Variants in RASA1 observed in about 807,000 individuals in gnomAD.
RASA1 encodes RAS p21 protein activator 1, also known as ras GTPase-activating protein 1.
Under a neutral mutation model 132.2 loss-of-function variants are expected in RASA1, and 25 were observed. That is an observed-to-expected ratio of 0.19 (90% CI 0.14 to 0.26). The LOEUF is 0.26. Ranked by LOEUF, RASA1 falls within the 10% of genes least tolerant of loss-of-function variation. RASA1 has a pLI of 1.00. For missense variants in RASA1, 964 were observed against 1,299.2 expected (o/e 0.74, Z 3.97); for synonymous variants, 477 against 449.9 (o/e 1.06, Z -0.76).
intron 8 of RASA1, among the ~76,000 whole-genome samples, chr5:87,352,093 CAT>C (rs1451294978): frequency 2.0e-5 from 3 of 151,540 alleles, no homozygotes; most frequent in Admixed American, 6.6e-5. Flanking sequence ...TTATTAAAAA[CAT>C]AAAATCTTGC....
chr5:87,287,272 T>TATATATACACACCATATATATACACC (rs1464620726), intron 1 of RASA1, among the ~76,000 whole-genome samples: 6 of 144,806 alleles, frequency 4.1e-5, no homozygotes, highest in Admixed American at 2.1e-4. Context: ...ATATACACCG[T>TATATATACACACCATATATATACACC]ATATATACAC....
At chr5:87,350,091 C>T (rs188877567) in intron 8 of RASA1, among the ~76,000 whole-genome samples, 6 of 151,908 alleles carry the variant, frequency 3.9e-5, no homozygotes, top group Admixed American at 3.3e-4. Flanking sequence ...GCAGTATTCT[C>T]TATCTGAATT....
At chr5:87,330,023 A>G (rs180826424) in intron 1 of RASA1, among the ~76,000 whole-genome samples, 21 of 152,238 alleles carry the variant, frequency 1.4e-4, no homozygotes, top group Admixed American at 6.5e-4. Context: ...GGAATGCAGT[A>G]TTGATTGTTC....
intron 1 of RASA1, among the ~76,000 whole-genome samples, chr5:87,291,001 A>G (rs1415118323): frequency 6.6e-6 from 1 of 152,152 alleles, no homozygotes; most frequent in Non-Finnish European, 1.5e-5. Flanking sequence ...ATAGTATAGT[A>G]AAAGTATGTT....
intron 1 of RASA1, among the ~76,000 whole-genome samples, chr5:87,300,729 A>G (rs1561265349): frequency 6.6e-6 from 1 of 152,226 alleles, no homozygotes; most frequent in Non-Finnish European, 1.5e-5. Flanking sequence ...AGCTTTTTAT[A>G]TGAAAAGAAA....
At chr5:87,313,771 C>T (rs539489157) in intron 1 of RASA1, among the ~76,000 whole-genome samples, 1 of 152,292 alleles carries the variant, frequency 6.6e-6, no homozygotes, top group East Asian at 1.9e-4. Context: ...AACGAGATGA[C>T]ATTTAAGGTA....
In RASA1 at chr5:87,317,492, T is replaced by C. The variant is rs1580244313; in HGVS notation, c.540-13856T>C. ...TATTTCATCTTAAAATAATTTTCTC[T>C]ACTTTTTACTGTGAGGCAACTGTGT... is the stretch of plus-strand genomic sequence containing the variant. On this transcript the variant is annotated intron_variant, in intron 1 of 24. Coordinates refer to ENST00000274376, the MANE Select transcript of RASA1 (RefSeq NM_002890.3). 3.3e-5 allele frequency among the ~76,000 whole-genome samples: 5 copies of C among 152,342 alleles called. No individual in the cohort carries two copies. The South Asian group carries it at 1.0e-3, about 32-fold the overall frequency.
At chr5:87,376,684 A>G (rs559763024) in intron 16 of RASA1, 119 bp downstream of exon 16, 587 of 1,340,382 alleles carry the variant, frequency 4.4e-4, no homozygotes, top group Admixed American at 1.5e-3. Context: ...ATGATGCCAG[A>G]GATTTTAAAC....
intron 1 of RASA1, among the ~76,000 whole-genome samples, chr5:87,285,033 C>CATTTATTT (rs34217012): frequency 0.052 from 7,146 of 136,958 alleles, 298 homozygotes; most frequent in East Asian, 0.13. Flanking sequence ...ATAATGGTAC[C>CATTTATTT]ATTTATTTAT....
At chr5:87,275,214 A>G (rs779159428) in intron 1 of RASA1, among the ~76,000 whole-genome samples, 4 of 152,196 alleles carry the variant, frequency 2.6e-5, no homozygotes, top group Non-Finnish European at 4.4e-5. Flanking sequence ...AAGATTTTTT[A>G]TAGTGATTAT....
rs1757109676 is a variant in RASA1, at chr5:87,324,900, A to C, written c.540-6448A>C. On this transcript the variant is annotated intron_variant, in intron 1 of 24. Coordinates refer to ENST00000274376, the MANE Select transcript of RASA1 (RefSeq NM_002890.3). ...CAAGTAAAGTCACTTAGTATGAGAT[A>C]AATTTTCTTTACTTTCCTCTTCACT... Among the ~76,000 whole-genome samples, 3 of 152,152 alleles carry C rather than the reference A, an allele frequency of 2.0e-5. No individual in the cohort carries two copies. In the South Asian group the frequency reaches 6.2e-4, roughly 32 times the overall value.
Position 87,287,777 on chromosome 5 carries a change from T to TATATATACCAC in RASA1, c.539+18791_539+18792insATACCACATAT, listed in dbSNP as rs1580202739. Among the ~76,000 whole-genome samples, 2 of 71,020 alleles carry TATATATACCAC rather than the reference T, an allele frequency of 2.8e-5. 1 individual carries two copies. Among genetic ancestry groups the TATATATACCAC allele is most frequent in the African/African-American group, 1.1e-4 (2 of 17,726 alleles). 46.6% of individuals were successfully genotyped at this position (71,020 alleles called of 152,430 possible). On this transcript the variant is annotated intron_variant, in intron 1 of 24. Coordinates refer to ENST00000274376, the MANE Select transcript of RASA1 (RefSeq NM_002890.3). ...TTATGTACACGCCATAGATATACCATATATGTACACGCCATATATATACAC... is the reference window on the plus strand; with the variant it reads ...TTATGTACACGCCATAGATATACCATATATATACCACATATGTACACGCCATATATATACAC...
At chr5:87,305,261 C>G (rs866709283) in intron 1 of RASA1, among the ~76,000 whole-genome samples, 1 of 152,076 alleles carries the variant, frequency 6.6e-6, no homozygotes, top group South Asian at 2.1e-4. Context: ...CCACAGAGCT[C>G]CTGTAACCAA....
At chr5:87,317,935 C>T (rs951519564) in intron 1 of RASA1, among the ~76,000 whole-genome samples, 8 of 152,072 alleles carry the variant, frequency 5.3e-5, no homozygotes, top group Non-Finnish European at 8.8e-5. Flanking sequence ...CGCGCCCAGC[C>T]GTTTTTCTCA....
At chr5:87,271,255 C>CAAAA (rs962068217) in intron 1 of RASA1, among the ~76,000 whole-genome samples, 3 of 151,418 alleles carry the variant, frequency 2.0e-5, no homozygotes, top group Non-Finnish European at 4.4e-5. Flanking sequence ...AACAAACAAA[C>CAAAA]AAAAAAACAA....
intron 1 of RASA1, among the ~76,000 whole-genome samples, chr5:87,285,337 G>A (rs1417451996): frequency 2.0e-5 from 3 of 151,986 alleles, no homozygotes; most frequent in Non-Finnish European, 4.4e-5. Context: ...AAAGTGCTGG[G>A]ATTACAGGCG....
intron 18 of RASA1, among the ~76,000 whole-genome samples, 183 bp downstream of exon 18, chr5:87,378,721 G>T (rs1761496884): frequency 6.6e-6 from 1 of 152,108 alleles, no homozygotes; most frequent in Non-Finnish European, 1.5e-5. Flanking sequence ...TAAAAAAGAT[G>T]TACTTTATTT....
At chr5:87,308,481 C>T (rs1011376723) in intron 1 of RASA1, among the ~76,000 whole-genome samples, 1 of 151,788 alleles carries the variant, frequency 6.6e-6, no homozygotes, top group African/African-American at 2.4e-5. Context: ...GATTATTCTG[C>T]TGCAAGTAAT....
intron 1 of RASA1, among the ~76,000 whole-genome samples, chr5:87,292,209 TTG>T (rs1003832020): frequency 2.6e-5 from 4 of 152,152 alleles, no homozygotes; most frequent in African/African-American, 9.7e-5. Flanking sequence ...CTTTCATGGA[TTG>T]TGACTTTTGT....
Sources: gnomAD v4.1 joint callset for allele counts (sites outside exome capture counted in the v4.1 genomes callset) on GRCh38, gnomAD v4.1.1 for gene constraint, MANE v1.5 for transcripts, NCBI Gene and HGNC (gene_info 2026-07-23, HGNC 2026-07-21) for gene names.